The following CADPS2 variants were observed in gnomAD, a reference collection of about 807,000 sequenced individuals.
CADPS2 encodes calcium dependent secretion activator 2, also known as calcium-dependent secretion activator 2.
Under a neutral mutation model 172.5 loss-of-function variants are expected in CADPS2, and 93 were observed. The ratio of observed to expected loss-of-function variants is 0.54; its 90% CI spans 0.46 to 0.64. CADPS2 has a LOEUF of 0.64. CADPS2 is among the 30% of genes least tolerant of loss of function. The probability of loss-of-function intolerance (pLI) is 0.00; values close to 1 mark genes in which losing one functional copy is unlikely to be tolerated. For missense variants in CADPS2, 1,420 were observed against 1,565.9 expected (o/e 0.91, Z 1.57); for synonymous variants, 546 against 555.2 (o/e 0.98, Z 0.23).
At chr7:122,425,884 C>T (rs1299958085) in intron 17 of CADPS2, 2 of 152,026 alleles carry the variant, frequency 1.3e-5, no homozygotes, top group Admixed American at 6.6e-5. Context: ...TTGTTTTATT[C>T]ATAAAAGGAG....
intron 3 of CADPS2, among the ~76,000 whole-genome samples, chr7:122,636,386 T>C (rs1404532688): frequency 6.6e-6 from 1 of 151,940 alleles, no homozygotes; most frequent in African/African-American, 2.4e-5. Flanking sequence ...AATTTCATGG[T>C]TGGAATTTCT....
At chr7:122,599,503 A>G (rs920669898) in intron 6 of CADPS2, among the ~76,000 whole-genome samples, 3 of 152,056 alleles carry the variant, frequency 2.0e-5, no homozygotes, top group African/African-American at 4.8e-5. Flanking sequence ...TAGAAATACC[A>G]CATACTGAGT....
Position 122,576,072 on chromosome 7 carries a change from T to A in CADPS2, c.1335+5107A>T, listed in dbSNP as rs149868392. ...CAAGGTCCAATCCAGGGCAGCATAT[T>A]GCATTTCGTTGTCATGTCTCCTTAG... On this transcript the variant is annotated intron_variant, in intron 7 of 29. Transcript: ENST00000449022. Among the ~76,000 whole-genome samples, 599 of 152,292 alleles carry A rather than the reference T, an allele frequency of 3.9e-3. 7 individuals carry two copies. Among genetic ancestry groups the A allele is most frequent in the African/African-American group, 0.014 (568 of 41,572 alleles).
At chr7:122,640,229 G>A (rs1450862737) in intron 3 of CADPS2, among the ~76,000 whole-genome samples, 2 of 152,112 alleles carry the variant, frequency 1.3e-5, no homozygotes, top group Admixed American at 1.3e-4. Context: ...GACCTAGGCA[G>A]ACCAGTATGC....
chr7:122,320,472 T>A, intron 29 of CADPS2, 134 bp from the exon 30 acceptor site: 1 of 575,066 alleles, frequency 1.7e-6, no homozygotes, highest in Admixed American at 3.4e-5. Flanking sequence ...ATGCCAATCA[T>A]CTTCTTGGTG....
chr7:122,715,343 G>A (rs1392688545), intron 2 of CADPS2, among the ~76,000 whole-genome samples: 1 of 152,068 alleles, frequency 6.6e-6, no homozygotes, highest in African/African-American at 2.4e-5. Flanking sequence ...TTAGGCCTCA[G>A]AACCCTATCT....
intron 6 of CADPS2, among the ~76,000 whole-genome samples, chr7:122,605,804 T>C (rs372499634): frequency 4.2e-4 from 64 of 152,246 alleles, no homozygotes; most frequent in African/African-American, 1.5e-3. Context: ...TAGATATGCA[T>C]CTCAATGAAA....
At chr7:122,365,324 C>T (rs971579436) in intron 25 of CADPS2, among the ~76,000 whole-genome samples, 2 of 152,108 alleles carry the variant, frequency 1.3e-5, no homozygotes, top group African/African-American at 4.8e-5. Flanking sequence ...CAGTGAGCAG[C>T]GACAGCACCT....
At chr7:122,526,261 G>A (rs1033168433) in intron 8 of CADPS2, among the ~76,000 whole-genome samples, 2 of 151,896 alleles carry the variant, frequency 1.3e-5, no homozygotes, top group Non-Finnish European at 1.5e-5. Context: ...GCATAATCTC[G>A]GCTCACTGCA....
At chr7:122,795,240 A>G (rs550352026) in intron 1 of CADPS2, among the ~76,000 whole-genome samples, 4 of 152,272 alleles carry the variant, frequency 2.6e-5, no homozygotes, top group African/African-American at 7.2e-5. Context: ...AATAGAGAAG[A>G]TTCAAATAAA....
intron 6 of CADPS2, among the ~76,000 whole-genome samples, chr7:122,584,795 A>C (rs192970247): frequency 8.8e-4 from 133 of 151,926 alleles, no homozygotes; most frequent in African/African-American, 2.8e-3. Context: ...ATTTCTCTCT[A>C]TATATATCTT....
rs1326532955 is a variant in CADPS2, at chr7:122,330,228, T to C, written c.3613-4647A>G. Among the ~76,000 whole-genome samples the C allele has an allele frequency of 3.3e-5, 5 of 152,338 alleles. No homozygotes were observed. In the East Asian group the frequency reaches 9.6e-4, roughly 29 times the overall value. On this transcript the variant is annotated intron_variant, in intron 28 of 29. Transcript: ENST00000449022. ...CAAGAAAATCTCACCTTAGGAAATA[T>C]GTACCTTTTAAATATAAAGTTAAAT... is the stretch of plus-strand genomic sequence containing the variant.
intron 12 of CADPS2, chr7:122,480,129 C>A: frequency 2.1e-6 from 1 of 471,256 alleles, no homozygotes; most frequent in Non-Finnish European, 4.4e-6. Context: ...TGGTTACCAG[C>A]CTCTTCCCCA....
intron 1 of CADPS2, among the ~76,000 whole-genome samples, chr7:122,830,480 A>G (rs1379164853): frequency 6.6e-6 from 1 of 152,242 alleles, no homozygotes; most frequent in African/African-American, 2.4e-5. Flanking sequence ...AACATGCAAC[A>G]ATTTTAAAAT....
intron 1 of CADPS2, among the ~76,000 whole-genome samples, chr7:122,879,589 G>A (rs1414694070): frequency 2.0e-5 from 3 of 151,742 alleles, no homozygotes; most frequent in Non-Finnish European, 4.4e-5. Context: ...ATGGGGAAAA[G>A]GACACTAGCT....
intron 17 of CADPS2, among the ~76,000 whole-genome samples, chr7:122,416,987 G>T (rs371728806): frequency 6.6e-6 from 1 of 152,256 alleles, no homozygotes; most frequent in Admixed American, 6.5e-5. Flanking sequence ...AAATGTTGTC[G>T]GGGATTCATA....
At chr7:122,526,146 T>A (rs375643293) in intron 8 of CADPS2, among the ~76,000 whole-genome samples, 2 of 152,070 alleles carry the variant, frequency 1.3e-5, no homozygotes, top group African/African-American at 4.8e-5. Flanking sequence ...GTTGCTCACA[T>A]GGATAAACAC....
intron 6 of CADPS2, among the ~76,000 whole-genome samples, chr7:122,603,188 TG>T (rs1360147227): frequency 6.6e-6 from 1 of 152,100 alleles, no homozygotes; most frequent in Non-Finnish European, 1.5e-5. Flanking sequence ...TCCATTTGAA[TG>T]TAGCTAACTC....
At chr7:122,331,824 AG>A (rs1346567819) in intron 28 of CADPS2, 2 of 152,226 alleles carry the variant, frequency 1.3e-5, no homozygotes, top group African/African-American at 4.8e-5. Context: ...CTTAAGTGGT[AG>A]GGTAAAGATT....
Sources: allele counts gnomAD v4.1 joint callset (sites outside exome capture counted in the v4.1 genomes callset), GRCh38; gene constraint gnomAD v4.1.1; transcripts MANE v1.5; gene names NCBI Gene and HGNC (gene_info 2026-07-23, HGNC 2026-07-21).